PTAFR: variants seen among roughly 807,000 people sequenced by gnomAD.
PTAFR encodes platelet-activating factor receptor.
In PTAFR, 8 loss-of-function variants were observed where a neutral mutation model predicts 14.7. That is an observed-to-expected ratio of 0.54 (90% confidence interval 0.32 to 0.98). The LOEUF (loss-of-function observed/expected upper bound fraction) is 0.98. Ranked by LOEUF, PTAFR falls within the 50% of genes least tolerant of loss-of-function variation. The pLI is 0.04. For synonymous variants in PTAFR, 156 were observed against 176.5 expected, an observed-to-expected ratio of 0.88 and a Z score of 0.92; for missense variants, 337 against 451.2, an observed-to-expected ratio of 0.75 and a Z score of 2.29.
chr1:28,157,885 C>T (rs1646283676), intron 1 of PTAFR, among the ~76,000 whole-genome samples: 1 of 152,116 alleles, frequency 6.6e-6, no homozygotes. Context: ...CCGCCTCGGC[C>T]TCCCAAAGTG....
rs1646134752 is a variant in PTAFR at position 28,147,939 on chromosome 1, T to A, written c.*2054A>T. 6.6e-6 allele frequency: 1 copy of A among 152,134 alleles called. No individual in the cohort carries two copies. The highest frequency in any genetic ancestry group is 2.4e-5 in the African/African-American group (1 of 41,310). 9.4% of individuals were successfully genotyped at this position (152,134 alleles called of 1,614,324 possible). A position where few individuals can be genotyped will look rare whatever the true frequency, so the allele number is the denominator to read the frequency against. On this transcript the variant is annotated 3_prime_UTR_variant, in exon 2 of 2. Coordinates refer to ENST00000373857, the MANE Select transcript of PTAFR (RefSeq NM_000952.5). Reference sequence around the variant, plus strand: ...TGATGCTGCACTAGCCACCGGGTCATCCCATCAGCCAAGTCCAGCCCACAG... The same window carrying A: ...TGATGCTGCACTAGCCACCGGGTCAACCCATCAGCCAAGTCCAGCCCACAG...
chr1:28,148,213 C>T lies in PTAFR; in HGVS notation c.*1780G>A, dbSNP rs1021849339. The T allele has an allele frequency of 1.3e-5, 2 of 152,220 alleles. No individual in the cohort carries two copies. The highest frequency in any genetic ancestry group is 4.8e-5 in the African/African-American group (2 of 41,442). 9.4% of individuals were successfully genotyped at this position (152,220 alleles called of 1,614,324 possible). On this transcript the variant is annotated 3_prime_UTR_variant, in exon 2 of 2. Coordinates refer to ENST00000373857, the MANE Select transcript of PTAFR (RefSeq NM_000952.5). ...TTGTCTCAGGGCAGGAGAGGAGGCT[C>T]ATTTGCATATACTTGCCAAAAATCA...
Position 28,150,398 on chromosome 1 carries a change from G to A in PTAFR, c.624C>T (p.Val208=). The change falls in exon 2 of 2, where the codon GTC becomes GTT. Residue 208 remains valine, a synonymous_variant. Transcript: ENST00000373857. The surrounding 1 kb of genome is among the most constrained non-coding windows in gnomAD (Gnocchi z 6.3). ...GCTGCATGAGCAAGGTACGGATGAT[G>A]ACCAGGTTGCAGAAGAGGATGATGA... The part of the protein sequence containing the change: ...VFLIILFCNL[V]IIRTLLMQPV... 6.2e-7 allele frequency: 1 copy of A among 1,613,904 alleles called. No individual in the cohort carries two copies. The highest frequency in any genetic ancestry group is 8.5e-7 in the Non-Finnish European group (1 of 1,179,874).
chr1:28,179,324 G>GCCTGCCTTCCAGTATAGTC (rs932784779), upstream of PTAFR, among the ~76,000 whole-genome samples: 3 of 152,192 alleles, frequency 2.0e-5, no homozygotes, highest in Non-Finnish European at 2.9e-5. Context: ...TGTTGGCTCG[G>GCCTGCCTTCCAGTATAGTC]CCTGCCTTCC....
At chr1:28,164,863 T>G (rs1321278487) in intron 1 of PTAFR, among the ~76,000 whole-genome samples, 3 of 152,132 alleles carry the variant, frequency 2.0e-5, no homozygotes, top group African/African-American at 7.2e-5. Context: ...CTTTTACCTT[T>G]GTTCCTCAAA....
intron 1 of PTAFR, among the ~76,000 whole-genome samples, chr1:28,157,922 G>A (rs181112290): frequency 1.1e-4 from 17 of 152,186 alleles, no homozygotes; most frequent in East Asian, 3.9e-4. Flanking sequence ...TAGCCACCAC[G>A]CCTGGCAATT....
intron 1 of PTAFR, among the ~76,000 whole-genome samples, chr1:28,192,686 G>A (rs1315774501): frequency 6.6e-6 from 1 of 151,036 alleles, no homozygotes; most frequent in Non-Finnish European, 1.5e-5. Flanking sequence ...CTCGCTCTGT[G>A]CCCAGGCTGG....
chr1:28,183,719 C>T (rs1646581151), intron 1 of PTAFR, among the ~76,000 whole-genome samples: 1 of 152,114 alleles, frequency 6.6e-6, no homozygotes, highest in African/African-American at 2.4e-5. Flanking sequence ...AACCCCGTCT[C>T]TACTAAAAAT....
chr1:28,184,919 C>T (rs1002537637), intron 1 of PTAFR, among the ~76,000 whole-genome samples: 2 of 152,154 alleles, frequency 1.3e-5, no homozygotes, highest in Admixed American at 6.5e-5. Flanking sequence ...GGATTACAGG[C>T]GTAAGCCACC....
intron 1 of PTAFR, among the ~76,000 whole-genome samples, chr1:28,162,483 T>C (rs894687013): frequency 1.3e-5 from 2 of 152,002 alleles, no homozygotes; most frequent in Non-Finnish European, 2.9e-5. Context: ...ACCTGCAAGC[T>C]TGTTAGAAAT....
chr1:28,159,282 C>T (rs1646298761), intron 1 of PTAFR, among the ~76,000 whole-genome samples: 2 of 152,098 alleles, frequency 1.3e-5, no homozygotes, highest in African/African-American at 2.4e-5. Flanking sequence ...GAGGCAGAGA[C>T]AGGACAGTCA....
chr1:28,169,172 G>A (rs749735806), intron 1 of PTAFR, among the ~76,000 whole-genome samples: 1 of 151,940 alleles, frequency 6.6e-6, no homozygotes, highest in Non-Finnish European at 1.5e-5. Flanking sequence ...AAAATGAGTG[G>A]ATCACTTGAG....
intron 1 of PTAFR, among the ~76,000 whole-genome samples, chr1:28,160,613 T>A (rs1404722051): frequency 7.3e-6 from 1 of 136,210 alleles, no homozygotes; most frequent in Non-Finnish European, 1.5e-5. Context: ...TGTGCCTGCA[T>A]GCTAATCTCT....
At chr1:28,179,513 C>T (rs747523798), upstream of PTAFR, among the ~76,000 whole-genome samples, 1 of 152,178 alleles carries the variant, frequency 6.6e-6, no homozygotes, top group Non-Finnish European at 1.5e-5. Flanking sequence ...GTTGGCTCCA[C>T]TTGAAAATAT....
Position 28,150,298 on chromosome 1 carries a change from T to C in PTAFR, c.724A>G (p.Ile242Val), listed in dbSNP as rs778530749. Reference protein sequence around the residue: ...WMVCTVLAVFIICFVPHHVVQ... With the variant: ...WMVCTVLAVFVICFVPHHVVQ... ...ACGTGGTGGGGCACGAAGCAGATGA[T>C]GAACACCGCCAAGACCGTGCACACC... is the stretch of plus-strand genomic sequence containing the variant. Residue 242 changes from isoleucine (I) to valine (V), a missense_variant, in exon 2 of 2, where the codon ATC becomes GTC. Ile to Val is a conservative substitution (Grantham distance 29). Transcript: ENST00000373857. The surrounding 1 kb of genome is among the most constrained non-coding windows in gnomAD (Gnocchi z 6.3). The C allele has an allele frequency of 1.2e-6, 2 of 1,612,552 alleles. No homozygotes were observed. Among genetic ancestry groups the C allele is most frequent in the East Asian group, 2.2e-5 (1 of 44,844 alleles).
intron 1 of PTAFR, among the ~76,000 whole-genome samples, chr1:28,157,689 C>T (rs1330562115): frequency 6.7e-6 from 1 of 148,910 alleles, no homozygotes; most frequent in African/African-American, 2.5e-5. Flanking sequence ...AGTGCAGTGG[C>T]GCGATCTCAG....
intron 1 of PTAFR, among the ~76,000 whole-genome samples, chr1:28,167,035 T>A (rs535481468): frequency 5.3e-5 from 8 of 152,206 alleles, no homozygotes; most frequent in African/African-American, 1.4e-4. Context: ...AAAAGCCTCA[T>A]GACATTGGAA....
At chr1:28,193,402 G>T (rs575404518) in intron 1 of PTAFR, among the ~76,000 whole-genome samples, 2 of 152,202 alleles carry the variant, frequency 1.3e-5, no homozygotes, top group South Asian at 2.1e-4. Context: ...GTCATGGGTT[G>T]TATCTGTGGA....
chr1:28,178,492 C>T (rs1366203213), upstream of PTAFR, among the ~76,000 whole-genome samples: 2 of 151,986 alleles, frequency 1.3e-5, no homozygotes. Context: ...AACTCCTGAC[C>T]TCCAATGATC....
Sources: gnomAD v4.1 joint callset for allele counts (sites outside exome capture counted in the v4.1 genomes callset) on GRCh38, gnomAD v4.1.1 for gene constraint, Gnocchi (gnomAD v3.1) non-coding constraint, MANE v1.5 for transcripts, NCBI Gene and HGNC (gene_info 2026-07-23, HGNC 2026-07-21) for gene names.